Variants in NEGR1 observed in about 807,000 individuals in gnomAD.
The protein encoded by NEGR1 is IgLON family member 4.
A neutral mutation model predicts 40.9 loss-of-function variants in NEGR1; 10 were observed. That is an observed-to-expected ratio of 0.24 (90% CI 0.15 to 0.42). The LOEUF is 0.42. NEGR1 is among the 10% of genes least tolerant of loss of function. The pLI is 1.00. For synonymous variants in NEGR1, 185 were observed against 166.8 expected, an observed-to-expected ratio of 1.11 and a Z score of -0.84; for missense variants, 352 against 438.9, an observed-to-expected ratio of 0.80 and a Z score of 1.77.
chr1:71,816,434 C>T (rs572005654), intron 2 of NEGR1, among the ~76,000 whole-genome samples: 14 of 151,996 alleles, frequency 9.2e-5, no homozygotes, highest in Non-Finnish European at 1.8e-4. Flanking sequence ...GCTAGGGAGG[C>T]CTCACAATCA....
At chr1:71,840,068 T>C (rs1458092406) in intron 2 of NEGR1, among the ~76,000 whole-genome samples, 1 of 152,156 alleles carries the variant, frequency 6.6e-6, no homozygotes, top group Non-Finnish European at 1.5e-5. Flanking sequence ...TTATATGCAT[T>C]ATCTCCAGAG....
At chr1:71,670,891 AAC>A (rs891610093) in intron 4 of NEGR1, among the ~76,000 whole-genome samples, 4 of 150,700 alleles carry the variant, frequency 2.7e-5, no homozygotes, top group Admixed American at 1.3e-4. Context: ...GCTAACTCAC[AAC>A]ACACACACAC....
chr1:71,860,208 A>C (rs997458245), intron 2 of NEGR1, among the ~76,000 whole-genome samples: 5 of 152,108 alleles, frequency 3.3e-5, no homozygotes, highest in African/African-American at 1.2e-4. Context: ...TAAAAAAAAA[A>C]AAACAACTAT....
At chr1:71,536,633 A>C (rs1299662077) in intron 6 of NEGR1, among the ~76,000 whole-genome samples, 1 of 151,760 alleles carries the variant, frequency 6.6e-6, no homozygotes, top group Non-Finnish European at 1.5e-5. Context: ...TTTGGGAGTC[A>C]TACTGGTTGC....
rs568213400 is a variant in NEGR1, at chr1:71,634,337, G to A, written c.668-23191C>T. On this transcript the variant is annotated intron_variant, in intron 4 of 6. Transcript: ENST00000357731. ...GTGGCTCAGCAAAATGTTATTGGCA[G>A]AATAAGCCAGGCCAACCATGGCCAA... 1.1e-4 allele frequency among the ~76,000 whole-genome samples: 16 copies of A among 152,200 alleles called. No homozygotes were observed. In the South Asian group the frequency reaches 2.9e-3, roughly 28 times the overall value.
intron 3 of NEGR1, among the ~76,000 whole-genome samples, chr1:71,721,935 AG>A (rs1654523654): frequency 6.6e-6 from 1 of 152,132 alleles, no homozygotes; most frequent in South Asian, 2.1e-4. Context: ...AGGCAGAATA[AG>A]AATAAAAAGA....
intron 2 of NEGR1, among the ~76,000 whole-genome samples, chr1:71,883,660 T>G (rs1019051284): frequency 2.0e-5 from 3 of 152,216 alleles, no homozygotes; most frequent in African/African-American, 7.2e-5. Context: ...TGCGCCGTGT[T>G]GGTGTGCTGC....
intron 6 of NEGR1, among the ~76,000 whole-genome samples, chr1:71,448,233 G>GAA (rs11413345): frequency 8.8e-4 from 129 of 146,520 alleles, no homozygotes; most frequent in Middle Eastern, 3.6e-3. Context: ...TTCTCTGAGA[G>GAA]AAAAAAAAAA....
At chr1:72,006,543 AG>A (rs1646608556) in intron 1 of NEGR1, among the ~76,000 whole-genome samples, 1 of 152,180 alleles carries the variant, frequency 6.6e-6, no homozygotes, top group South Asian at 2.1e-4. Context: ...GGAAAGGAAA[AG>A]AGGTGCCACA....
intron 4 of NEGR1, among the ~76,000 whole-genome samples, chr1:71,659,981 A>G (rs1652003751): frequency 6.6e-6 from 1 of 152,190 alleles, no homozygotes; most frequent in Admixed American, 6.5e-5. Flanking sequence ...CTGGGTATAT[A>G]CCCAGAAGAA....
intron 1 of NEGR1, among the ~76,000 whole-genome samples, chr1:71,944,780 A>G (rs1417106304): frequency 1.3e-5 from 2 of 152,148 alleles, no homozygotes; most frequent in African/African-American, 4.8e-5. Flanking sequence ...TTTCCTAATA[A>G]AAAATATTCT....
chr1:71,631,286 T>C (rs1168118742), intron 4 of NEGR1, among the ~76,000 whole-genome samples: 1 of 151,850 alleles, frequency 6.6e-6, no homozygotes, highest in Non-Finnish European at 1.5e-5. Flanking sequence ...ATAGGTGTGT[T>C]AGCACATTCA....
At chr1:72,090,001 G>T (rs1159249202) in intron 1 of NEGR1, among the ~76,000 whole-genome samples, 2 of 152,100 alleles carry the variant, frequency 1.3e-5, no homozygotes, top group East Asian at 1.9e-4. Flanking sequence ...TTAGGGATTT[G>T]CCAGATGACT....
At chr1:71,954,742 A>G (rs768644283) in intron 1 of NEGR1, among the ~76,000 whole-genome samples, 2 of 152,096 alleles carry the variant, frequency 1.3e-5, no homozygotes, top group Non-Finnish European at 2.9e-5. Context: ...TCAAGAAATT[A>G]AAAACACAAA....
At chr1:71,704,557 T>A (rs971273820) in intron 3 of NEGR1, among the ~76,000 whole-genome samples, 1 of 151,758 alleles carries the variant, frequency 6.6e-6, no homozygotes, top group African/African-American at 2.4e-5. Context: ...AGTGTACAAA[T>A]TTTTTGAAAA....
intron 1 of NEGR1, among the ~76,000 whole-genome samples, chr1:71,978,465 A>G (rs778189271): frequency 2.0e-5 from 3 of 152,176 alleles, no homozygotes; most frequent in Non-Finnish European, 4.4e-5. Flanking sequence ...TTGAAAATAA[A>G]TACAAATTAT....
chr1:71,882,158 A>G (rs1452870296), intron 2 of NEGR1, among the ~76,000 whole-genome samples: 4 of 152,106 alleles, frequency 2.6e-5, no homozygotes, highest in African/African-American at 9.7e-5. Flanking sequence ...CTGTCATCTA[A>G]ATAAACAGAC....
chr1:72,236,031 C>T (rs1654533940), intron 1 of NEGR1, among the ~76,000 whole-genome samples: 1 of 152,036 alleles, frequency 6.6e-6, no homozygotes, highest in African/African-American at 2.4e-5. Flanking sequence ...ATGGAACCAA[C>T]CCAAATGCCC....
chr1:72,281,934 C>T (rs1406306945), intron 1 of NEGR1, among the ~76,000 whole-genome samples: 1 of 152,088 alleles, frequency 6.6e-6, no homozygotes, highest in Admixed American at 6.5e-5. Context: ...TTGAAAGAGT[C>T]GCTTATGCTG....
Sources: gnomAD v4.1 joint callset for allele counts (sites outside exome capture counted in the v4.1 genomes callset) on GRCh38, gnomAD v4.1.1 for gene constraint, MANE v1.5 for transcripts, NCBI Gene and HGNC (gene_info 2026-07-23, HGNC 2026-07-21) for gene names.